Variants in NRXN1 observed in about 807,000 individuals in gnomAD.
NRXN1 encodes neurexin-1.
In NRXN1, 39 loss-of-function variants were observed where a neutral mutation model predicts 150.9. The observed-to-expected ratio is 0.26, with a 90% confidence interval of 0.20 to 0.34. The LOEUF is 0.34. Ranked by LOEUF, NRXN1 falls within the 10% of genes least tolerant of loss-of-function variation. NRXN1 has a pLI of 1.00. For synonymous variants in NRXN1, 924 were observed against 757.0 expected (o/e 1.22, Z -3.62); for missense variants, 1,815 against 1,949.9 (o/e 0.93, Z 1.30).
chr2:50,316,789 T>C (rs912106595), intron 17 of NRXN1, among the ~76,000 whole-genome samples: 10 of 152,086 alleles, frequency 6.6e-5, no homozygotes, highest in African/African-American at 2.4e-4. Context: ...TAGGAGGGGA[T>C]GGTGGTACTA....
At chr2:50,059,684 C>T (rs554674258) in intron 19 of NRXN1, among the ~76,000 whole-genome samples, 5 of 152,254 alleles carry the variant, frequency 3.3e-5, no homozygotes, top group African/African-American at 1.2e-4. Context: ...AGCCCTGGGT[C>T]TTGCTGTTTG....
At chr2:49,978,178 T>G (rs1679335598) in intron 21 of NRXN1, among the ~76,000 whole-genome samples, 1 of 151,940 alleles carries the variant, frequency 6.6e-6, no homozygotes, top group Non-Finnish European at 1.5e-5. Flanking sequence ...AAAGAAAATG[T>G]AGTAATTACA....
At chr2:50,685,321 A>G (rs1278329406) in intron 5 of NRXN1, among the ~76,000 whole-genome samples, 1 of 152,154 alleles carries the variant, frequency 6.6e-6, no homozygotes, top group Admixed American at 6.5e-5. Flanking sequence ...GTGGATTTAA[A>G]GCCAACACAC....
chr2:50,757,297 C>T (rs1469011064), intron 5 of NRXN1, among the ~76,000 whole-genome samples: 1 of 151,486 alleles, frequency 6.6e-6, no homozygotes, highest in Non-Finnish European at 1.5e-5. Flanking sequence ...GAGAGTGAGG[C>T]ATGTGCAAGA....
chr2:51,026,246 A>G (rs1275012627), intron 2 of NRXN1: 3 of 677,438 alleles, frequency 4.4e-6, no homozygotes, highest in Non-Finnish European at 7.9e-6. Flanking sequence ...TTTTTCACCC[A>G]TTTCAGCCAC....
chr2:51,030,118 C>G (rs138250109), intron 1 of NRXN1, among the ~76,000 whole-genome samples: 1 of 151,756 alleles, frequency 6.6e-6, no homozygotes, highest in Non-Finnish European at 1.5e-5. Context: ...TGATTTTTTT[C>G]CTAAGTCATT....
At chr2:50,981,244 G>T (rs1220711588) in intron 2 of NRXN1, among the ~76,000 whole-genome samples, 1 of 151,646 alleles carries the variant, frequency 6.6e-6, no homozygotes, top group African/African-American at 2.4e-5. Flanking sequence ...ATCACTTGAG[G>T]CCAAGAGTTT....
chr2:50,239,502 T>TAA (rs67135789), intron 17 of NRXN1, among the ~76,000 whole-genome samples: 21 of 147,400 alleles, frequency 1.4e-4, no homozygotes, highest in African/African-American at 4.7e-4. Context: ...CTTTCACAAT[T>TAA]AAAAAAAATC....
chr2:50,714,426 G>T (rs1243945827), intron 5 of NRXN1, among the ~76,000 whole-genome samples: 1 of 152,018 alleles, frequency 6.6e-6, no homozygotes, highest in African/African-American at 2.4e-5. Flanking sequence ...AGCTAGGTTG[G>T]TGCATGTCCA....
intron 12 of NRXN1, among the ~76,000 whole-genome samples, chr2:50,512,147 C>T (rs1022649848): frequency 2.6e-5 from 4 of 152,044 alleles, no homozygotes; most frequent in Non-Finnish European, 5.9e-5. Context: ...AAAACTACCT[C>T]GCGGCTACAT....
intron 17 of NRXN1, among the ~76,000 whole-genome samples, chr2:50,349,282 G>C (rs930274541): frequency 2.0e-5 from 3 of 152,184 alleles, no homozygotes; most frequent in African/African-American, 7.2e-5. Flanking sequence ...TCGAAGGCCA[G>C]CAGACGCAAA....
intron 5 of NRXN1, among the ~76,000 whole-genome samples, chr2:50,629,457 T>C (rs552640040): frequency 4.0e-4 from 60 of 151,768 alleles, no homozygotes; most frequent in African/African-American, 1.4e-3. Flanking sequence ...ACAGTGGCTA[T>C]GCTTGGTAGA....
rs143368974 is a variant in NRXN1 at position 50,994,177 on chromosome 2, T to C, written c.772+33325A>G. ...AAGTTAAATAATCCAATCAGTCTTATAGAGTTGATCCCAGGTGGTGTGATC... is the reference window on the plus strand; with the variant it reads ...AAGTTAAATAATCCAATCAGTCTTACAGAGTTGATCCCAGGTGGTGTGATC... On this transcript the variant is annotated intron_variant, in intron 2 of 22. Transcript: ENST00000401669. Among the ~76,000 whole-genome samples, 11 of 152,144 alleles carry C rather than the reference T, an allele frequency of 7.2e-5. No individual in the cohort carries two copies. In the South Asian group the frequency reaches 1.2e-3, roughly 17 times the overall value.
At chr2:50,504,576 T>TA (rs765753054) in intron 13 of NRXN1, among the ~76,000 whole-genome samples, 1 of 151,932 alleles carries the variant, frequency 6.6e-6, no homozygotes, top group Admixed American at 6.6e-5. Context: ...ATACATTTCT[T>TA]AAAAAAAATG....
At chr2:50,589,012 G>A (rs182485551) in intron 8 of NRXN1, 7 of 152,200 alleles carry the variant, frequency 4.6e-5, no homozygotes, top group African/African-American at 1.4e-4. Flanking sequence ...AGTATGTTAC[G>A]ATATGGGAAA....
intron 2 of NRXN1, among the ~76,000 whole-genome samples, chr2:50,985,070 G>A (rs1291688844): frequency 6.6e-6 from 1 of 151,692 alleles, no homozygotes; most frequent in East Asian, 1.9e-4. Context: ...AAGAGTGCTA[G>A]AAAACAAATG....
chr2:50,681,336 C>T (rs995214687), intron 5 of NRXN1, among the ~76,000 whole-genome samples: 1 of 152,176 alleles, frequency 6.6e-6, no homozygotes, highest in African/African-American at 2.4e-5. Context: ...TGATCTTGAT[C>T]TCTTTTAAGA....
chr2:51,002,446 T>C (rs1479678887), intron 2 of NRXN1, among the ~76,000 whole-genome samples: 1 of 152,002 alleles, frequency 6.6e-6, no homozygotes, highest in South Asian at 2.1e-4. Context: ...TTTGCTATAG[T>C]GTACCATTGC....
At chr2:50,587,388 G>C in intron 8 of NRXN1, among the ~76,000 whole-genome samples, 1 of 152,288 alleles carries the variant, frequency 6.6e-6, no homozygotes, top group Non-Finnish European at 1.5e-5. Context: ...AGGAGGCTGA[G>C]GAGGGAGGCT....
Sources: gnomAD v4.1 joint callset for allele counts (sites outside exome capture counted in the v4.1 genomes callset) on GRCh38, gnomAD v4.1.1 for gene constraint, MANE v1.5 for transcripts, NCBI Gene and HGNC (gene_info 2026-07-23, HGNC 2026-07-21) for gene names.